The following ZPBP variants were observed in gnomAD, a reference collection of about 807,000 sequenced individuals.
ZPBP encodes the protein zona pellucida-binding protein 1.
ZPBP carries 26 observed loss-of-function variants against 44.8 expected under a neutral mutation model. That is an observed-to-expected ratio of 0.58 (90% CI 0.43 to 0.81). The LOEUF is 0.81. Among genes scored for constraint, ZPBP ranks in the 30% least tolerant of loss-of-function variants. The pLI is 0.00. For synonymous variants in ZPBP, 174 were observed against 153.2 expected, an observed-to-expected ratio of 1.14 and a Z score of -1.00; for missense variants, 409 against 434.0, an observed-to-expected ratio of 0.94 and a Z score of 0.51.
At chr7:49,990,151 AG>A (rs1797499824) in intron 6 of ZPBP, among the ~76,000 whole-genome samples, 1 of 152,218 alleles carries the variant, frequency 6.6e-6, no homozygotes, top group South Asian at 2.1e-4. Flanking sequence ...GGCACAGAAC[AG>A]GTAAGCATGA....
intron 1 of ZPBP, among the ~76,000 whole-genome samples, chr7:49,926,656 C>T (rs544857208): frequency 6.6e-6 from 1 of 152,328 alleles, no homozygotes; most frequent in South Asian, 2.1e-4. Flanking sequence ...ACTTCTGGCT[C>T]CTGGCATCAC....
At chr7:49,859,141 G>A (rs1227347972) in intron 2 of ZPBP, among the ~76,000 whole-genome samples, 1 of 152,180 alleles carries the variant, frequency 6.6e-6, no homozygotes, top group East Asian at 1.9e-4. Flanking sequence ...GGGCATGTGT[G>A]TCTTCAACGT....
chr7:49,895,149 G>A (rs1792321536), intron 2 of ZPBP, among the ~76,000 whole-genome samples: 1 of 152,136 alleles, frequency 6.6e-6, no homozygotes, highest in South Asian at 2.1e-4. Context: ...TTTGGTGTTT[G>A]GAGAGGGCCT....
At chr7:50,074,664 GA>G (rs952813281) in intron 3 of ZPBP, among the ~76,000 whole-genome samples, 3 of 151,098 alleles carry the variant, frequency 2.0e-5, no homozygotes, top group Admixed American at 6.6e-5. Context: ...AACTATCAGA[GA>G]AAAAAAATGG....
intron 1 of ZPBP, among the ~76,000 whole-genome samples, chr7:49,927,574 C>A (rs2128749241): frequency 6.6e-6 from 1 of 152,224 alleles, no homozygotes; most frequent in South Asian, 2.1e-4. Context: ...CACCATTGAC[C>A]ATAGAACCAA....
intron 2 of ZPBP, among the ~76,000 whole-genome samples, chr7:49,857,897 C>T (rs753355334): frequency 2.0e-5 from 3 of 152,138 alleles, no homozygotes; most frequent in Admixed American, 6.5e-5. Flanking sequence ...GGCATCTGAG[C>T]TAAGTTTGGT....
Position 49,999,144 on chromosome 7 carries a change from G to C in ZPBP, c.784-15625C>G, listed in dbSNP as rs143657016. The stretch of plus-strand genomic sequence containing the variant: ...ATTTTGGGTAAGGGATACTCAACCT[G>C]CCGCATATACATACATACACAGACA... On this transcript the variant is annotated intron_variant, in intron 6 of 7. Transcript: ENST00000046087. Among the ~76,000 whole-genome samples, 464 of 151,718 alleles carry C rather than the reference G, an allele frequency of 3.1e-3. 4 individuals carry two copies. The highest frequency in any genetic ancestry group is 0.01 in the African/African-American group (432 of 41,326).
chr7:50,050,887 A>T (rs1451569817), intron 4 of ZPBP, among the ~76,000 whole-genome samples: 1 of 151,834 alleles, frequency 6.6e-6, no homozygotes, highest in Non-Finnish European at 1.5e-5. Context: ...CAAAGATTTC[A>T]TGACAAAAAT....
chr7:50,063,491 G>T (rs1801350025), intron 3 of ZPBP, among the ~76,000 whole-genome samples: 1 of 152,174 alleles, frequency 6.6e-6, no homozygotes, highest in South Asian at 2.1e-4. Context: ...ATAGTTGACT[G>T]AATACTCCTA....
chr7:49,973,818 G>A (rs151175743), intron 7 of ZPBP, among the ~76,000 whole-genome samples: 4 of 152,112 alleles, frequency 2.6e-5, no homozygotes, highest in African/African-American at 9.6e-5. Context: ...CCACTCCTAG[G>A]TATATATGCA....
intron 3 of ZPBP, among the ~76,000 whole-genome samples, chr7:50,060,297 A>G (rs988585296): frequency 1.3e-5 from 2 of 152,074 alleles, no homozygotes; most frequent in Admixed American, 6.6e-5. Flanking sequence ...CCATCCCCCA[A>G]GGCTTGTCAA....
chr7:50,009,609 G>C (rs1166254399), intron 6 of ZPBP, among the ~76,000 whole-genome samples: 1 of 151,812 alleles, frequency 6.6e-6, no homozygotes, highest in African/African-American at 2.4e-5. Flanking sequence ...TAATTTCTGT[G>C]GTCATGTTAG....
rs368310857 is a variant in ZPBP, at chr7:49,884,037, ACTC to A, written n.509+17078_509+17080del. On this transcript the variant is annotated intron_variant and non_coding_transcript_variant, in intron 2 of 2. Transcript: ENST00000465922. ...GTGGGGCCAGCCAAGGTAGGAGGCA[ACTC>A]CCAGGACCTTGGGGCATCACACACT... is the stretch of plus-strand genomic sequence containing the variant. Among the ~76,000 whole-genome samples the A allele has an allele frequency of 3.2e-3, 485 of 152,230 alleles. 6 individuals carry two copies. Among genetic ancestry groups the A allele is most frequent in the African/African-American group, 0.011 (452 of 41,546 alleles).
chr7:49,877,560 CT>C (rs1274803249), intron 2 of ZPBP, among the ~76,000 whole-genome samples: 1 of 118,140 alleles, frequency 8.5e-6, no homozygotes, highest in African/African-American at 3.1e-5. Context: ...CTTTGTCTTC[CT>C]TTTTTTTATG....
chr7:50,088,862 T>G (rs1475986831), intron 2 of ZPBP, among the ~76,000 whole-genome samples: 1 of 138,180 alleles, frequency 7.2e-6, no homozygotes, highest in African/African-American at 2.8e-5. Context: ...CTCAAAATAT[T>G]AAACATAGAG....
chr7:49,879,069 C>T (rs1034253557), intron 2 of ZPBP, among the ~76,000 whole-genome samples: 2 of 152,054 alleles, frequency 1.3e-5, no homozygotes, highest in African/African-American at 2.4e-5. Flanking sequence ...TCTTAATATC[C>T]GGCAGTTCAT....
chr7:50,016,999 G>A (rs754600558), intron 6 of ZPBP, among the ~76,000 whole-genome samples: 2 of 152,054 alleles, frequency 1.3e-5, no homozygotes, highest in Non-Finnish European at 2.9e-5. Context: ...TTGGCAGCAG[G>A]GACTGGTTTC....
chr7:49,842,263 A>G, the ZPBP span, among the ~76,000 whole-genome samples: 1,196 of 152,340 alleles, frequency 7.9e-3, 25 homozygotes, highest in African/African-American at 0.027. Context: ...GTAAATGGCT[A>G]TTGCAGTGCC....
In ZPBP at chr7:50,012,527, TAAAACATTAAC is replaced by T. The variant is rs1241050540; in HGVS notation, c.783+5702_783+5712del. Among the ~76,000 whole-genome samples the T allele has an allele frequency of 4.0e-5, 6 of 151,604 alleles. No individual in the cohort carries two copies. In the South Asian group the frequency reaches 1.3e-3, roughly 32 times the overall value. On this transcript the variant is annotated intron_variant, in intron 6 of 7. Transcript: ENST00000046087. Reference sequence around the variant, plus strand: ...ATAACTTATATATATAGATCCTTAATAAAACATTAACAAATATAATGCAGATATAAGTTGTT... The same window carrying T: ...ATAACTTATATATATAGATCCTTAATAAATATAATGCAGATATAAGTTGTT...
Sources: allele counts gnomAD v4.1 joint callset (sites outside exome capture counted in the v4.1 genomes callset), GRCh38; gene constraint gnomAD v4.1.1; transcripts MANE v1.5; gene names NCBI Gene and HGNC (gene_info 2026-07-23, HGNC 2026-07-21).